The following GRK4 variants were observed in gnomAD, a reference collection of about 807,000 sequenced individuals.
GRK4 encodes the protein G protein-coupled receptor kinase 4.
Under a neutral mutation model 77.9 loss-of-function variants are expected in GRK4, and 73 were observed. That is an observed-to-expected ratio of 0.94 (90% confidence interval 0.78 to 1.14). The LOEUF is 1.14. Ranked by LOEUF, GRK4 falls within the 50% of genes most tolerant of loss-of-function variation. The pLI, the probability that GRK4 is intolerant of heterozygous loss-of-function variation, is 0.00. For synonymous variants in GRK4, 257 were observed against 254.4 expected (o/e 1.01, Z -0.10); for missense variants, 729 against 700.2 (o/e 1.04, Z -0.46).
chr4:3,022,459 G>A lies in GRK4; in HGVS notation c.970+8G>A. 6 of 1,613,558 alleles carry A rather than the reference G, an allele frequency of 3.7e-6. No homozygotes were observed. Among genetic ancestry groups the A allele is most frequent in the Non-Finnish European group, 3.4e-6 (4 of 1,179,716 alleles). On this transcript the variant is annotated splice_region_variant and intron_variant, in intron 10 of 15. Coordinates refer to ENST00000398052, the MANE Select transcript of GRK4 (RefSeq NM_182982.3). Reference sequence around the variant, plus strand: ...TTCTCCTTGATGATCGTGGTAAGTGGGCAAGCCTTTCACATCTAATGGGTA... The same window carrying A: ...TTCTCCTTGATGATCGTGGTAAGTGAGCAAGCCTTTCACATCTAATGGGTA...
intron 1 of GRK4, among the ~76,000 whole-genome samples, chr4:2,972,236 TG>T (rs1349387900): frequency 6.6e-6 from 1 of 152,188 alleles, no homozygotes; most frequent in African/African-American, 2.4e-5. Flanking sequence ...TTAGTGTCTG[TG>T]GATGGTCCTC....
At chr4:3,037,273 G>A in intron 13 of GRK4, 101 bp from the exon 14 acceptor site, 3 of 1,127,936 alleles carry the variant, frequency 2.7e-6, no homozygotes, top group Non-Finnish European at 3.8e-6. Context: ...GAGAGTGGCG[G>A]TGTTTATGCG....
At chr4:2,991,962 AG>A (rs1310993047) in intron 3 of GRK4, among the ~76,000 whole-genome samples, 4 of 152,242 alleles carry the variant, frequency 2.6e-5, no homozygotes, top group African/African-American at 9.6e-5. Flanking sequence ...ACTCTTGATC[AG>A]TAGAGTTGGT....
intron 12 of GRK4, among the ~76,000 whole-genome samples, chr4:3,034,355 A>G (rs1437940106): frequency 1.3e-5 from 2 of 152,188 alleles, no homozygotes; most frequent in African/African-American, 4.8e-5. Context: ...GTAAGGCCAG[A>G]TGGTAAACAG....
chr4:3,007,334 G>A (rs1317773682), intron 5 of GRK4, among the ~76,000 whole-genome samples: 1 of 152,230 alleles, frequency 6.6e-6, no homozygotes, highest in Non-Finnish European at 1.5e-5. Context: ...TGAGGCTATA[G>A]AGGTTGGGTA....
chr4:2,964,183 C>A, intron 1 of GRK4, 61 bp downstream of exon 1: 1 of 1,416,204 alleles, frequency 7.1e-7, no homozygotes, highest in East Asian at 2.4e-5. Flanking sequence ...CCGGGGAACC[C>A]TGGCCCCCCT....
At chr4:2,984,959 A>AT (rs915023535) in intron 2 of GRK4, among the ~76,000 whole-genome samples, 1 of 152,020 alleles carries the variant, frequency 6.6e-6, no homozygotes, top group African/African-American at 2.4e-5. Context: ...CATTAGAAAC[A>AT]TTTTTTACAA....
intron 4 of GRK4, among the ~76,000 whole-genome samples, chr4:2,996,414 G>A (rs1727931025): frequency 6.6e-6 from 1 of 152,144 alleles, no homozygotes; most frequent in Admixed American, 6.5e-5. Context: ...AATTAGCCAG[G>A]CATGGTGGCA....
intron 1 of GRK4, among the ~76,000 whole-genome samples, chr4:2,973,807 C>T (rs1238673445): frequency 3.3e-5 from 5 of 152,160 alleles, no homozygotes; most frequent in South Asian, 2.1e-4. Context: ...CAGATTGTGT[C>T]GGCCCCTCCT....
At chr4:3,032,620 C>G (rs1433774250) in intron 12 of GRK4, among the ~76,000 whole-genome samples, 1 of 152,106 alleles carries the variant, frequency 6.6e-6, no homozygotes, top group Non-Finnish European at 1.5e-5. Flanking sequence ...GTGAGAAGCT[C>G]TAGCTTTGAA....
chr4:2,988,813 A>G lies in GRK4; in HGVS notation c.235A>G (p.Arg79Gly). ...CTGTGATACCAAACCCACTCTAAAG[A>G]GGCACATTGAATTCTTGGATGCAGT... ...QFCDTKPTLKRHIEFLDAVAE... is the reference protein window; with the variant it reads ...QFCDTKPTLKGHIEFLDAVAE... The change falls in exon 3 of 16, where the codon AGG (arginine) becomes GGG (glycine). Residue 79 changes from arginine to glycine, a missense_variant. By Grantham distance (125) the Arg-to-Gly change is moderately radical. Coordinates refer to ENST00000398052, the MANE Select transcript of GRK4 (RefSeq NM_182982.3). 6.2e-7 allele frequency: 1 copy of G among 1,609,550 alleles called. No homozygotes were observed. The highest frequency in any genetic ancestry group is 8.5e-7 in the Non-Finnish European group (1 of 1,175,924).
At chr4:3,026,686 G>A (rs1737671280) in intron 10 of GRK4, among the ~76,000 whole-genome samples, 1 of 152,238 alleles carries the variant, frequency 6.6e-6, no homozygotes, top group Non-Finnish European at 1.5e-5. Flanking sequence ...CCATCGGGCT[G>A]GGTCTGTGCT....
intron 8 of GRK4, 65 bp downstream of exon 8, chr4:3,013,893 TGCCGCTCA>T (rs765997560): frequency 6.7e-7 from 1 of 1,496,694 alleles, no homozygotes; most frequent in Non-Finnish European, 9.0e-7. Flanking sequence ...TCAGCCGACA[TGCCGCTCA>T]GCTCACGCTC....
At chr4:2,994,057 A>G (rs1727080014) in intron 4 of GRK4, among the ~76,000 whole-genome samples, 1 of 152,164 alleles carries the variant, frequency 6.6e-6, no homozygotes, top group South Asian at 2.1e-4. Flanking sequence ...CAGAGGTGTG[A>G]TTCAGACCCT....
At chr4:2,969,133 G>A (rs1375133420) in intron 1 of GRK4, 1 of 152,452 alleles carries the variant, frequency 6.6e-6, no homozygotes, top group Non-Finnish European at 1.5e-5. Context: ...GAACGGAGAG[G>A]AAAGAGGAGA....
rs1406073363 is a variant in GRK4, at chr4:3,037,514, A to G, written c.1545+3A>G. 1.3e-6 allele frequency: 2 copies of G among 1,599,418 alleles called. No individual in the cohort carries two copies. The highest frequency in any genetic ancestry group is 8.6e-7 in the Non-Finnish European group (1 of 1,168,172). On this transcript the variant is annotated splice_donor_region_variant and intron_variant, in intron 14 of 15. Coordinates refer to ENST00000398052, the MANE Select transcript of GRK4 (RefSeq NM_182982.3). ...TCTCCATCCCCTGGCAGAATGAGGT[A>G]CTGCCCTTCCAGCACAGCCGCTTTA...
intron 4 of GRK4, among the ~76,000 whole-genome samples, chr4:2,997,934 C>G (rs1225050648): frequency 6.7e-6 from 1 of 149,142 alleles, no homozygotes; most frequent in Non-Finnish European, 1.5e-5. Context: ...AAGTAAAAGA[C>G]TATATGCTTT....
At chr4:3,035,050 G>A (rs1208525537) in intron 12 of GRK4, among the ~76,000 whole-genome samples, 4 of 152,018 alleles carry the variant, frequency 2.6e-5, no homozygotes, top group Admixed American at 2.6e-4. Context: ...GAGGTCAGGA[G>A]ATGGAGACCA....
chr4:3,037,465 A>G lies in GRK4; in HGVS notation c.1499A>G (p.Tyr500Cys), dbSNP rs1281115508. ...IYLDTADEDF[Y>C]ARFATGCVSI... ...CTGGACACCGCAGATGAAGACTTCTATGCTCGGTTTGCTACCGGGTGTGTC... is the reference window on the plus strand; with the variant it reads ...CTGGACACCGCAGATGAAGACTTCTGTGCTCGGTTTGCTACCGGGTGTGTC... The change falls in exon 14 of 16, where the codon TAT becomes TGT. Residue 500 changes from tyrosine (Y) to cysteine (C), a missense_variant. Coordinates refer to ENST00000398052, the MANE Select transcript of GRK4 (RefSeq NM_182982.3). 2 of 1,610,992 alleles carry G rather than the reference A, an allele frequency of 1.2e-6. No homozygotes were observed. The highest frequency in any genetic ancestry group is 1.3e-5 in the African/African-American group (1 of 74,816).
Sources: allele counts gnomAD v4.1 joint callset (sites outside exome capture counted in the v4.1 genomes callset), GRCh38; gene constraint gnomAD v4.1.1; transcripts MANE v1.5; gene names NCBI Gene and HGNC (gene_info 2026-07-23, HGNC 2026-07-21).